DGKB: variants seen among roughly 807,000 people sequenced by gnomAD.
DGKB encodes the protein diacylglycerol kinase beta, also known as 90 kDa diacylglycerol kinase.
A neutral mutation model predicts 114.3 loss-of-function variants in DGKB; 67 were observed. The observed-to-expected ratio is 0.59, with a 90% CI of 0.48 to 0.72. The LOEUF (loss-of-function observed/expected upper bound fraction) is 0.72. Among genes scored for constraint, DGKB ranks in the 30% least tolerant of loss-of-function variants. The pLI is 0.00. For synonymous variants in DGKB, 398 were observed against 323.1 expected (o/e 1.23, Z -2.49); for missense variants, 907 against 975.2 (o/e 0.93, Z 0.93).
At chr7:14,451,545 G>GTCTCTCTCTCTCTCTC (rs34641587) in intron 21 of DGKB, among the ~76,000 whole-genome samples, 29 of 141,166 alleles carry the variant, frequency 2.1e-4, no homozygotes, top group Admixed American at 1.4e-3. Context: ...CTCTCTATCT[G>GTCTCTCTCTCTCTCTC]TCTCTCTCTC....
chr7:14,964,044 G>A (rs1380889390), intron 1 of DGKB, among the ~76,000 whole-genome samples: 1 of 152,096 alleles, frequency 6.6e-6, no homozygotes, highest in Non-Finnish European at 1.5e-5. Flanking sequence ...AAAAAGTGTG[G>A]AAGTTTGGGA....
At chr7:14,802,836 T>G (rs1357644837) in intron 2 of DGKB, among the ~76,000 whole-genome samples, 1 of 152,174 alleles carries the variant, frequency 6.6e-6, no homozygotes, top group Non-Finnish European at 1.5e-5. Context: ...GCCTTGCTAA[T>G]TTTTTATACG....
chr7:14,486,612 A>C (rs1783850154), intron 20 of DGKB, among the ~76,000 whole-genome samples: 1 of 152,166 alleles, frequency 6.6e-6, no homozygotes, highest in Non-Finnish European at 1.5e-5. Flanking sequence ...TAGAAGAAAG[A>C]GGGCAAGGGA....
intron 2 of DGKB, among the ~76,000 whole-genome samples, chr7:14,796,544 G>C (rs1003712632): frequency 6.6e-6 from 1 of 152,070 alleles, no homozygotes; most frequent in African/African-American, 2.4e-5. Flanking sequence ...GCACAATTCT[G>C]AAGACAAAAG....
At chr7:14,855,359 A>G (rs1313960403) in intron 1 of DGKB, among the ~76,000 whole-genome samples, 1 of 152,196 alleles carries the variant, frequency 6.6e-6, no homozygotes, top group African/African-American at 2.4e-5. Flanking sequence ...ACTTAGGTAT[A>G]TAGTTTTAAT....
At chr7:14,449,074 T>C (rs1256606685) in intron 21 of DGKB, among the ~76,000 whole-genome samples, 2 of 152,094 alleles carry the variant, frequency 1.3e-5, no homozygotes, top group African/African-American at 4.8e-5. Flanking sequence ...TTAAACCATG[T>C]CATTTCTCAA....
chr7:14,801,868 A>G (rs1842193200), intron 2 of DGKB, among the ~76,000 whole-genome samples: 1 of 151,812 alleles, frequency 6.6e-6, no homozygotes, highest in South Asian at 2.1e-4. Context: ...ACATGTATAT[A>G]TATACATATG....
At chr7:14,822,934 CATA>C (rs1351800401) in intron 2 of DGKB, among the ~76,000 whole-genome samples, 1 of 152,092 alleles carries the variant, frequency 6.6e-6, no homozygotes, top group African/African-American at 2.4e-5. Context: ...TATTTTTCTA[CATA>C]ATATCTTAAT....
At chr7:14,718,813 A>G (rs1828670073) in intron 5 of DGKB, 128 bp from the exon 6 acceptor site, 1 of 675,712 alleles carries the variant, frequency 1.5e-6, no homozygotes, top group South Asian at 2.0e-5. Context: ...GAATAACCAA[A>G]TTCTCTGTAA....
chr7:14,377,622 C>T (rs139157599), intron 21 of DGKB, among the ~76,000 whole-genome samples: 32 of 152,228 alleles, frequency 2.1e-4, no homozygotes, highest in East Asian at 3.9e-4. Context: ...TGGTAACAAA[C>T]GCAGCCAAAA....
chr7:14,162,374 C>A (rs1286200124), intron 25 of DGKB, among the ~76,000 whole-genome samples: 1 of 152,154 alleles, frequency 6.6e-6, no homozygotes, highest in East Asian at 1.9e-4. Flanking sequence ...GAATATTGGT[C>A]CTCTTGCAAA....
intron 23 of DGKB, among the ~76,000 whole-genome samples, chr7:14,202,694 A>G (rs1040225325): frequency 1.3e-5 from 2 of 152,028 alleles, no homozygotes; most frequent in Admixed American, 6.6e-5. Flanking sequence ...AAAAATGATT[A>G]CAATTTGATA....
intron 1 of DGKB, among the ~76,000 whole-genome samples, chr7:14,927,284 C>T (rs1784794594): frequency 6.6e-6 from 1 of 151,860 alleles, no homozygotes; most frequent in Admixed American, 6.6e-5. Flanking sequence ...GAAGTTCCTC[C>T]CTTTCCTTAG....
intron 25 of DGKB, among the ~76,000 whole-genome samples, chr7:14,152,436 G>T (rs946413974): frequency 5.3e-5 from 8 of 152,026 alleles, no homozygotes; most frequent in African/African-American, 1.9e-4. Flanking sequence ...AACTGCAATG[G>T]TTCCATGACG....
intron 1 of DGKB, among the ~76,000 whole-genome samples, chr7:14,882,575 A>G (rs1854402975): frequency 6.6e-6 from 1 of 151,976 alleles, no homozygotes; most frequent in African/African-American, 2.4e-5. Context: ...ATAATTTATC[A>G]TCCTTCATCC....
intron 17 of DGKB, among the ~76,000 whole-genome samples, chr7:14,586,254 G>A (rs1800743497): frequency 6.6e-6 from 1 of 152,096 alleles, no homozygotes; most frequent in Non-Finnish European, 1.5e-5. Context: ...CAGCCTTATT[G>A]CTGATAGGGA....
chr7:14,301,301 A>G (rs564044783), intron 23 of DGKB, among the ~76,000 whole-genome samples: 1 of 152,258 alleles, frequency 6.6e-6, no homozygotes, highest in South Asian at 2.1e-4. Flanking sequence ...TAGTTGATCC[A>G]CAGTGCAACT....
intron 21 of DGKB, among the ~76,000 whole-genome samples, chr7:14,417,135 G>A (rs1316020000): frequency 1.3e-5 from 2 of 152,048 alleles, no homozygotes; most frequent in Non-Finnish European, 2.9e-5. Context: ...CGACACTTAA[G>A]TTCTCTGCAC....
intron 1 of DGKB, among the ~76,000 whole-genome samples, chr7:14,914,587 C>A (rs1472084196): frequency 6.6e-6 from 1 of 151,974 alleles, no homozygotes; most frequent in Non-Finnish European, 1.5e-5. Context: ...TACAGCATGT[C>A]TGGGTTTCAA....
Sources: allele counts gnomAD v4.1 joint callset (sites outside exome capture counted in the v4.1 genomes callset), GRCh38; gene constraint gnomAD v4.1.1; transcripts MANE v1.5; gene names NCBI Gene and HGNC (gene_info 2026-07-23, HGNC 2026-07-21).